Variants in MITF observed in about 807,000 individuals in gnomAD.
The protein encoded by MITF is melanocyte inducing transcription factor.
A neutral mutation model predicts 60.5 loss-of-function variants in MITF; 17 were observed. That is an observed-to-expected ratio of 0.28 (90% CI 0.19 to 0.42). MITF has a LOEUF of 0.42. Among genes scored for constraint, MITF ranks in the 10% least tolerant of loss-of-function variants. The pLI, the probability that MITF is intolerant of heterozygous loss-of-function variation, is 1.00. For missense variants in MITF, 622 were observed against 683.5 expected (o/e 0.91, Z 1.00); for synonymous variants, 260 against 248.5 (o/e 1.05, Z -0.43).
chr3:69,864,428 C>T (rs546348282), intron 1 of MITF, among the ~76,000 whole-genome samples: 1 of 152,284 alleles, frequency 6.6e-6, no homozygotes, highest in African/African-American at 2.4e-5. Context: ...GATGAACTTT[C>T]TCCTCTAATC....
intron 1 of MITF, among the ~76,000 whole-genome samples, chr3:69,878,665 T>C (rs1186136970): frequency 2.0e-5 from 3 of 152,226 alleles, no homozygotes; most frequent in African/African-American, 4.8e-5. Context: ...CTTTAATCAA[T>C]ATTTGTTAGT....
At chr3:69,755,843 G>T (rs1304111449) in intron 1 of MITF, among the ~76,000 whole-genome samples, 1 of 152,150 alleles carries the variant, frequency 6.6e-6, no homozygotes, top group Admixed American at 6.5e-5. Flanking sequence ...GTAGATACCA[G>T]CTGCTGCTGC....
chr3:69,778,574 G>A (rs1052004767), intron 1 of MITF, among the ~76,000 whole-genome samples: 1 of 152,098 alleles, frequency 6.6e-6, no homozygotes, highest in Non-Finnish European at 1.5e-5. Flanking sequence ...ATGGTTGCAA[G>A]ATGGCTGCCG....
At chr3:69,932,743 G>A (rs577244219) in intron 2 of MITF, among the ~76,000 whole-genome samples, 2 of 152,084 alleles carry the variant, frequency 1.3e-5, no homozygotes, top group South Asian at 2.1e-4. Context: ...AAAGAACCTC[G>A]ACACTTAATC....
In MITF at chr3:69,967,527, C is replaced by CTCT; in HGVS notation, c.*2279_*2280insTCT. 1 of 233,488 alleles carries CTCT rather than the reference C, an allele frequency of 4.3e-6. No homozygotes were observed. Among genetic ancestry groups the CTCT allele is most frequent in the Non-Finnish European group, 8.5e-6 (1 of 117,898 alleles). 14.5% of individuals were successfully genotyped at this position (233,488 alleles called of 1,614,324 possible). On this transcript the variant is annotated 3_prime_UTR_variant, in exon 10 of 10. Transcript: ENST00000352241. ...TAACCTACGGCCACGGGAACAGGACCATGGTTAAGCAACCATATAGAAAGC... is the reference window on the plus strand; with the variant it reads ...TAACCTACGGCCACGGGAACAGGACCTCTATGGTTAAGCAACCATATAGAAAGC...
intron 5 of MITF, among the ~76,000 whole-genome samples, chr3:69,942,943 T>C (rs1224206554): frequency 2.0e-5 from 3 of 152,136 alleles, no homozygotes; most frequent in Non-Finnish European, 4.4e-5. Flanking sequence ...TGGTGTCAAA[T>C]GGGTCCCTGG....
At chr3:69,894,654 C>T (rs2064833167) in intron 2 of MITF, among the ~76,000 whole-genome samples, 1 of 151,012 alleles carries the variant, frequency 6.6e-6, no homozygotes, top group South Asian at 2.1e-4. Flanking sequence ...CCATTGCACC[C>T]CAGCCTGAGC....
At chr3:69,759,363 GC>G (rs1180487503) in intron 1 of MITF, among the ~76,000 whole-genome samples, 1 of 152,108 alleles carries the variant, frequency 6.6e-6, no homozygotes, top group East Asian at 1.9e-4. Context: ...ACACAAAAGT[GC>G]AAAAAATGTG....
chr3:69,753,485 C>A (rs1233283574), intron 1 of MITF, among the ~76,000 whole-genome samples: 1 of 152,254 alleles, frequency 6.6e-6, no homozygotes, highest in African/African-American at 2.4e-5. Context: ...AAGAGCACTG[C>A]CATCCTCCAG....
At chr3:69,928,017 T>C (rs995115207) in intron 2 of MITF, among the ~76,000 whole-genome samples, 1 of 152,252 alleles carries the variant, frequency 6.6e-6, no homozygotes, top group Admixed American at 6.5e-5. Flanking sequence ...TACTCAACTA[T>C]GCTCTTGTAC....
chr3:69,949,100 C>T lies in MITF; in HGVS notation c.812C>T (p.Pro271Leu), dbSNP rs775188737. The change falls in exon 6 of 10, where the codon CCC becomes CTC. Residue 271 changes from proline (P) to leucine (L), a missense_variant. This residue lies in a region of MITF where 215 missense variants were observed against 224.8 expected (regional missense o/e 0.96). Coordinates refer to ENST00000352241, the MANE Select transcript of MITF (RefSeq NM_001354604.2). ...GATCTTTATGGAAACCAAGGTCTGC[C>T]CCCACCAGGCCTCACCATCAGCAAC... ...LIDLYGNQGL[P>L]PPGLTISNSC... The T allele has an allele frequency of 1.2e-6, 2 of 1,613,644 alleles. No individual in the cohort carries two copies. The highest frequency in any genetic ancestry group is 2.2e-5 in the East Asian group (1 of 44,820).
intron 2 of MITF, among the ~76,000 whole-genome samples, chr3:69,925,670 C>G (rs1236512133): frequency 6.6e-6 from 1 of 152,202 alleles, no homozygotes; most frequent in Non-Finnish European, 1.5e-5. Context: ...CCCAGACATT[C>G]TTTTCAGGGC....
At position 69,885,217 on chromosome 3, in the gene MITF, A is replaced by G. The variant is rs772692349; in HGVS notation, c.354+5834A>G. On this transcript the variant is annotated intron_variant, in intron 2 of 9. Coordinates refer to ENST00000352241, the MANE Select transcript of MITF (RefSeq NM_001354604.2). Reference sequence around the variant, plus strand: ...CTCTTTAAGTAGGAGAATCTTTGCCATCTTCTCCATGAGCCCCTTTGCAAT... The same window carrying G: ...CTCTTTAAGTAGGAGAATCTTTGCCGTCTTCTCCATGAGCCCCTTTGCAAT... 2.8e-4 allele frequency among the ~76,000 whole-genome samples: 43 copies of G among 152,122 alleles called. 1 individual carries two copies. Among genetic ancestry groups the G allele is most frequent in the Non-Finnish European group, 7.4e-5 (5 of 68,020 alleles).
chr3:69,782,271 C>T (rs1320627507), intron 1 of MITF, among the ~76,000 whole-genome samples: 1 of 152,216 alleles, frequency 6.6e-6, no homozygotes, highest in Non-Finnish European at 1.5e-5. Flanking sequence ...TGACCTGTGG[C>T]TTCATAAGCT....
At chr3:69,953,682 GAGAGAGACAGAGAC>G (rs2066322685) in intron 7 of MITF, among the ~76,000 whole-genome samples, 1 of 147,900 alleles carries the variant, frequency 6.8e-6, no homozygotes, top group Non-Finnish European at 1.5e-5. Flanking sequence ...GAGAGAGAGA[GAGAGAGACAGAGAC>G]AGAGACAGAG....
At chr3:69,867,237 T>C (rs1382607360) in intron 1 of MITF, among the ~76,000 whole-genome samples, 7 of 152,158 alleles carry the variant, frequency 4.6e-5, no homozygotes, top group African/African-American at 7.2e-5. Context: ...AAAGGCATTA[T>C]GTTCAGCAGC....
At chr3:69,755,802 G>T (rs1349804819) in intron 1 of MITF, among the ~76,000 whole-genome samples, 1 of 152,092 alleles carries the variant, frequency 6.6e-6, no homozygotes, top group Admixed American at 6.6e-5. Context: ...ATTCAATAAG[G>T]TGATGAGATG....
At chr3:69,896,578 T>C (rs1474497086) in intron 2 of MITF, among the ~76,000 whole-genome samples, 2 of 152,216 alleles carry the variant, frequency 1.3e-5, no homozygotes, top group Non-Finnish European at 2.9e-5. Flanking sequence ...TTGTTATTCG[T>C]GCTCCGGTTA....
intron 2 of MITF, among the ~76,000 whole-genome samples, chr3:69,926,296 T>A (rs1474326715): frequency 3.3e-5 from 5 of 152,218 alleles, no homozygotes; most frequent in Non-Finnish European, 1.5e-5. Context: ...GATCCTGAAG[T>A]TGTGTTATTA....
Sources: allele counts gnomAD v4.1 joint callset (sites outside exome capture counted in the v4.1 genomes callset), GRCh38; gene constraint gnomAD v4.1.1; regional missense constraint gnomAD v4.1.1; transcripts MANE v1.5; gene names NCBI Gene and HGNC (gene_info 2026-07-23, HGNC 2026-07-21).